The following KCNK13 variants were observed in gnomAD, a reference collection of about 807,000 sequenced individuals.
The protein encoded by KCNK13 is potassium two pore domain channel subfamily K member 13.
Under a neutral mutation model 23.4 loss-of-function variants are expected in KCNK13, and 12 were observed. That is an observed-to-expected ratio of 0.51 (90% CI 0.33 to 0.83). KCNK13 has a LOEUF of 0.83. Ranked by LOEUF, KCNK13 falls within the 40% of genes least tolerant of loss-of-function variation. The pLI, the probability that KCNK13 is intolerant of heterozygous loss-of-function variation, is 0.02. For missense variants in KCNK13, 463 were observed against 556.3 expected (o/e 0.83, Z 1.69); for synonymous variants, 231 against 229.5 (o/e 1.01, Z -0.06).
At chr14:90,176,510 A>G (rs922649652) in intron 1 of KCNK13, among the ~76,000 whole-genome samples, 15 of 147,796 alleles carry the variant, frequency 1.0e-4, no homozygotes, top group Admixed American at 2.7e-4. Context: ...CTTTTTACCA[A>G]AAAAAAAAAG....
chr14:90,151,576 C>A (rs1890134510), intron 1 of KCNK13, among the ~76,000 whole-genome samples: 1 of 152,148 alleles, frequency 6.6e-6, no homozygotes, highest in South Asian at 2.1e-4. Flanking sequence ...TCTCATTGTA[C>A]AGGTCATCTT....
intron 1 of KCNK13, among the ~76,000 whole-genome samples, chr14:90,107,075 G>A (rs373723117): frequency 4.6e-5 from 7 of 152,122 alleles, no homozygotes; most frequent in African/African-American, 1.4e-4. Context: ...ATAATGAAGC[G>A]CTCGGGTGTT....
At chr14:90,091,515 G>A (rs1889343171) in intron 1 of KCNK13, among the ~76,000 whole-genome samples, 1 of 152,172 alleles carries the variant, frequency 6.6e-6, no homozygotes, top group Admixed American at 6.6e-5. Context: ...AAGAAAAATA[G>A]CATCTCTAAG....
At position 90,129,544 on chromosome 14, in the gene KCNK13, T is replaced by C. The variant is rs548501315; in HGVS notation, c.335-54567T>C. Among the ~76,000 whole-genome samples the C allele has an allele frequency of 1.5e-4, 23 of 152,230 alleles. No homozygotes were observed. The South Asian group carries it at 4.4e-3, about 29-fold the overall frequency. ...CCAGACTCCACTTTGGGAACCACGG[T>C]CTAAGGTCTAGGAGTGGGATGGCTG... On this transcript the variant is annotated intron_variant, in intron 1 of 1. Coordinates refer to ENST00000282146, the MANE Select transcript of KCNK13 (RefSeq NM_022054.4).
intron 1 of KCNK13, among the ~76,000 whole-genome samples, chr14:90,081,947 G>A (rs376459849): frequency 2.3e-4 from 35 of 152,240 alleles, no homozygotes; most frequent in Middle Eastern, 3.4e-3. Context: ...TATTTTGCCT[G>A]TTTTCCTTTC....
chr14:90,129,205 A>G (rs1294706769), intron 1 of KCNK13, among the ~76,000 whole-genome samples: 1 of 152,174 alleles, frequency 6.6e-6, no homozygotes, highest in African/African-American at 2.4e-5. Flanking sequence ...TTGCTTCTAT[A>G]TAATATGCTA....
At chr14:90,112,760 A>T (rs1889630837) in intron 1 of KCNK13, among the ~76,000 whole-genome samples, 2 of 152,118 alleles carry the variant, frequency 1.3e-5, no homozygotes, top group Admixed American at 1.3e-4. Flanking sequence ...GCAGAATTTG[A>T]CTCAGGAAAA....
chr14:90,181,460 C>G lies in KCNK13; in HGVS notation c.335-2651C>G, dbSNP rs144305182. ...CACCTCTTTTATAAGAGCACTAATC[C>G]CATTCATGAGAGCACCACACTCACC... is the stretch of plus-strand genomic sequence containing the variant. On this transcript the variant is annotated intron_variant, in intron 1 of 1. Transcript: ENST00000282146. 4.7e-3 allele frequency among the ~76,000 whole-genome samples: 710 copies of G among 152,176 alleles called. 3 individuals are homozygous for G. Among genetic ancestry groups the G allele is most frequent in the Non-Finnish European group, 7.9e-3 (536 of 68,006 alleles).
At chr14:90,152,678 T>A (rs1034452951) in intron 1 of KCNK13, among the ~76,000 whole-genome samples, 1 of 152,226 alleles carries the variant, frequency 6.6e-6, no homozygotes, top group African/African-American at 2.4e-5. Context: ...ATTAGCAGTG[T>A]GAGAATGGTC....
Position 90,184,160 on chromosome 14 carries a change from CTTTT to C in KCNK13, c.385_388del (p.Phe129ThrfsTer20). On this transcript the variant is annotated frameshift_variant, in exon 2 of 2. Coordinates refer to ENST00000282146, the MANE Select transcript of KCNK13 (RefSeq NM_022054.4). LOFTEE classifies it high-confidence loss of function. The surrounding 1 kb of genome is among the most constrained non-coding windows in gnomAD (Gnocchi z 5.6). ...CAGTAGGAGGAAAAATCTTTCTGATCTTTTACGGCCTTGTTGGGTGTTCCAGCAC... is the reference window on the plus strand; with the variant it reads ...CAGTAGGAGGAAAAATCTTTCTGATCACGGCCTTGTTGGGTGTTCCAGCAC... 6.2e-7 allele frequency: 1 copy of C among 1,614,138 alleles called. No homozygotes were observed. Among genetic ancestry groups the C allele is most frequent in the Non-Finnish European group, 8.5e-7 (1 of 1,179,960 alleles).
Position 90,066,428 on chromosome 14 carries a change from A to G in KCNK13, c.334+3889A>G, listed in dbSNP as rs1371594324. ...ATTACAGGTGCAAGCCACCACACCC[A>G]GCTAATTTTTGTATTTTTAGTAGAG... On this transcript the variant is annotated intron_variant, in intron 1 of 1. Transcript: ENST00000282146. Among the ~76,000 whole-genome samples, 3 of 151,750 alleles carry G rather than the reference A, an allele frequency of 2.0e-5. No homozygotes were observed. The East Asian group carries it at 5.8e-4, about 29-fold the overall frequency.
intron 1 of KCNK13, among the ~76,000 whole-genome samples, chr14:90,159,649 T>C (rs1465752599): frequency 6.6e-6 from 1 of 152,216 alleles, no homozygotes; most frequent in African/African-American, 2.4e-5. Flanking sequence ...GGGCAAACTC[T>C]TAGAACTCTA....
At chr14:90,169,750 G>A (rs964553674) in intron 1 of KCNK13, among the ~76,000 whole-genome samples, 15 of 152,064 alleles carry the variant, frequency 9.9e-5, no homozygotes, top group South Asian at 2.1e-4. Context: ...TACTTGTCCC[G>A]GTCTCTCCTT....
rs146848014 is a variant in KCNK13, at chr14:90,115,726, G to A, written c.334+53187G>A. ...AAAGAAAAAAAACAGGCAACAGGCC[G>A]ATCTAGGTTGTGGGCCATGGTTTGT... On this transcript the variant is annotated intron_variant, in intron 1 of 1. Coordinates refer to ENST00000282146, the MANE Select transcript of KCNK13 (RefSeq NM_022054.4). Among the ~76,000 whole-genome samples, 346 of 152,326 alleles carry A rather than the reference G, an allele frequency of 2.3e-3. 3 individuals carry two copies. The highest frequency in any genetic ancestry group is 7.8e-3 in the African/African-American group (323 of 41,578).
At chr14:90,109,232 T>A (rs914451395) in intron 1 of KCNK13, among the ~76,000 whole-genome samples, 1 of 152,008 alleles carries the variant, frequency 6.6e-6, no homozygotes, top group African/African-American at 2.4e-5. Flanking sequence ...CTTGTAAGAT[T>A]ATTAATTTCC....
intron 1 of KCNK13, among the ~76,000 whole-genome samples, chr14:90,138,559 C>T (rs1889965248): frequency 6.6e-6 from 1 of 152,114 alleles, no homozygotes; most frequent in South Asian, 2.1e-4. Context: ...ATCAGCATTC[C>T]CTATTTACCA....
intron 1 of KCNK13, among the ~76,000 whole-genome samples, chr14:90,077,071 A>G (rs1710018): frequency 0.63 from 91,703 of 145,072 alleles, 30,265 homozygotes; most frequent in African/African-American, 0.83. Flanking sequence ...CGCCCGCCTC[A>G]GCCTCCCAAA....
chr14:90,165,481 C>A (rs572750036), intron 1 of KCNK13, among the ~76,000 whole-genome samples: 45 of 152,310 alleles, frequency 3.0e-4, no homozygotes, highest in African/African-American at 8.7e-4. Context: ...ACATAGTCAT[C>A]ATTCTTCAAA....
At chr14:90,182,852 G>T (rs1005925834) in intron 1 of KCNK13, among the ~76,000 whole-genome samples, 2 of 151,284 alleles carry the variant, frequency 1.3e-5, no homozygotes, top group African/African-American at 4.8e-5. Context: ...AGAGAGGTTT[G>T]ATGGTTTGAT....
Sources: allele counts gnomAD v4.1 joint callset (sites outside exome capture counted in the v4.1 genomes callset), GRCh38; gene constraint gnomAD v4.1.1; non-coding constraint Gnocchi (gnomAD v3.1); transcripts MANE v1.5; gene names NCBI Gene and HGNC (gene_info 2026-07-23, HGNC 2026-07-21).